The following CDYL2 variants were observed in gnomAD, a reference collection of about 807,000 sequenced individuals.
The protein encoded by CDYL2 is chromodomain Y-like protein 2.
CDYL2 carries 23 observed loss-of-function variants against 49.4 expected under a neutral mutation model. The observed-to-expected ratio is 0.47, with a 90% CI of 0.34 to 0.66. The LOEUF (loss-of-function observed/expected upper bound fraction) is 0.66, where lower values mean the gene tolerates loss of function less well. Among genes scored for constraint, CDYL2 ranks in the 30% least tolerant of loss-of-function variants. The probability of loss-of-function intolerance (pLI) is 0.01; values close to 1 mark genes in which losing one functional copy is unlikely to be tolerated. For synonymous variants in CDYL2, 360 were observed against 268.8 expected (o/e 1.34, Z -3.32); for missense variants, 678 against 656.4 (o/e 1.03, Z -0.36).
At chr16:80,701,552 C>CA (rs1373101496) in intron 1 of CDYL2, among the ~76,000 whole-genome samples, 14 of 151,678 alleles carry the variant, frequency 9.2e-5, no homozygotes, top group East Asian at 1.9e-4. Flanking sequence ...AAAAAACAAC[C>CA]AAAAAAACAC....
At chr16:80,756,665 G>T (rs1906320732) in intron 1 of CDYL2, among the ~76,000 whole-genome samples, 1 of 152,030 alleles carries the variant, frequency 6.6e-6, no homozygotes, top group Non-Finnish European at 1.5e-5. Context: ...AACATTTAAT[G>T]ACCTTGACAG....
At chr16:80,705,324 T>C (rs1043455206) in intron 1 of CDYL2, among the ~76,000 whole-genome samples, 1 of 152,242 alleles carries the variant, frequency 6.6e-6, no homozygotes, top group African/African-American at 2.4e-5. Flanking sequence ...GTCTTCACTC[T>C]GGCCAAAGGC....
chr16:80,710,795 T>C (rs967989964), intron 1 of CDYL2, among the ~76,000 whole-genome samples: 1 of 152,216 alleles, frequency 6.6e-6, no homozygotes, highest in African/African-American at 2.4e-5. Flanking sequence ...TTTTAAAAGC[T>C]AAGTCACCAA....
At chr16:80,618,018 C>G (rs1906908258) in intron 4 of CDYL2, among the ~76,000 whole-genome samples, 1 of 152,174 alleles carries the variant, frequency 6.6e-6, no homozygotes. Flanking sequence ...TTGGGCCTCT[C>G]TGTGCTGTCA....
chr16:80,645,766 A>C (rs1048640971), intron 2 of CDYL2, among the ~76,000 whole-genome samples: 12 of 152,074 alleles, frequency 7.9e-5, no homozygotes, highest in Non-Finnish European at 1.2e-4. Context: ...CTGGATTAAG[A>C]AAATGTGGCA....
At chr16:80,800,275 GCTACACC>G (rs1907886211) in intron 1 of CDYL2, among the ~76,000 whole-genome samples, 1 of 152,078 alleles carries the variant, frequency 6.6e-6, no homozygotes, top group East Asian at 1.9e-4. Flanking sequence ...AACGAAGAAG[GCTACACC>G]CTGGATCAGA....
At chr16:80,762,672 T>G (rs1906572577) in intron 1 of CDYL2, among the ~76,000 whole-genome samples, 1 of 152,214 alleles carries the variant, frequency 6.6e-6, no homozygotes, top group Non-Finnish European at 1.5e-5. Flanking sequence ...ATTATCCTTT[T>G]GGAGCTTGTC....
chr16:80,785,142 G>A (rs755899005), intron 1 of CDYL2, among the ~76,000 whole-genome samples: 15 of 152,134 alleles, frequency 9.9e-5, no homozygotes, highest in Non-Finnish European at 1.5e-4. Flanking sequence ...TTCATAAAGC[G>A]TATTCAAATA....
chr16:80,668,219 G>C (rs920653357), intron 2 of CDYL2, among the ~76,000 whole-genome samples: 3 of 152,168 alleles, frequency 2.0e-5, no homozygotes, highest in Non-Finnish European at 4.4e-5. Context: ...AGAGTTCCAA[G>C]ACAGGCTTTA....
intron 1 of CDYL2, among the ~76,000 whole-genome samples, chr16:80,755,181 C>T (rs1667496699): frequency 1.3e-5 from 2 of 152,170 alleles, no homozygotes. Flanking sequence ...ACATGTCCAT[C>T]CTGGTTACTC....
chr16:80,690,083 T>G (rs934190393), intron 1 of CDYL2, among the ~76,000 whole-genome samples: 2 of 150,878 alleles, frequency 1.3e-5, no homozygotes, highest in African/African-American at 4.9e-5. Context: ...ATCGCACCAC[T>G]GCACTCTAGC....
intron 1 of CDYL2, among the ~76,000 whole-genome samples, chr16:80,761,492 T>C (rs1196827270): frequency 1.3e-5 from 2 of 152,192 alleles, no homozygotes; most frequent in African/African-American, 4.8e-5. Flanking sequence ...AAGGTTCTTC[T>C]TTTTAATTAT....
intron 2 of CDYL2, chr16:80,679,749 A>C (rs1212570366): frequency 4.4e-6 from 2 of 456,126 alleles, no homozygotes; most frequent in South Asian, 3.1e-5. Context: ...GGCAGGCACA[A>C]CACCATCTGC....
chr16:80,728,880 A>C (rs1296169412), intron 1 of CDYL2, among the ~76,000 whole-genome samples: 57 of 151,350 alleles, frequency 3.8e-4, no homozygotes, highest in Non-Finnish European at 6.3e-4. Context: ...GAAATAAAAT[A>C]CTTTACAGAC....
chr16:80,735,976 A>G (rs11641163), intron 1 of CDYL2, among the ~76,000 whole-genome samples: 70,026 of 152,056 alleles, frequency 0.46, 17,647 homozygotes, highest in Middle Eastern at 0.6. Context: ...GCCTCAAGCA[A>G]GTAATTACTC....
chr16:80,749,045 G>T (rs111566444), intron 1 of CDYL2, among the ~76,000 whole-genome samples: 7 of 152,064 alleles, frequency 4.6e-5, no homozygotes, highest in Non-Finnish European at 8.8e-5. Context: ...ATACACTGTG[G>T]TTCTAACTGT....
chr16:80,610,317 C>A (rs964748599), intron 5 of CDYL2, among the ~76,000 whole-genome samples: 13 of 152,150 alleles, frequency 8.5e-5, no homozygotes, highest in Admixed American at 1.3e-4. Context: ...GGTGCAACAG[C>A]CACAGTCCTG....
chr16:80,793,745 T>G (rs1304244359), intron 1 of CDYL2, among the ~76,000 whole-genome samples: 2 of 152,190 alleles, frequency 1.3e-5, no homozygotes, highest in African/African-American at 4.8e-5. Flanking sequence ...ACATAAAAAT[T>G]GATACATAAA....
intron 1 of CDYL2, among the ~76,000 whole-genome samples, chr16:80,781,219 G>T (rs1177155702): frequency 2.0e-5 from 3 of 152,126 alleles, no homozygotes; most frequent in Non-Finnish European, 4.4e-5. Flanking sequence ...TCCGTTACTG[G>T]GAACTGTTCG....
Sources: allele counts gnomAD v4.1 joint callset (sites outside exome capture counted in the v4.1 genomes callset), GRCh38; gene constraint gnomAD v4.1.1; transcripts MANE v1.5; gene names NCBI Gene and HGNC (gene_info 2026-07-23, HGNC 2026-07-21).